The following ADAMTSL1 variants were observed in gnomAD, a reference collection of about 807,000 sequenced individuals.
ADAMTSL1 encodes the protein ADAMTS like 1, also known as ADAMTS-like protein 1.
Under a neutral mutation model 201.8 loss-of-function variants are expected in ADAMTSL1, and 126 were observed. The ratio of observed to expected loss-of-function variants is 0.62; its 90% CI spans 0.54 to 0.72. The LOEUF is 0.72. ADAMTSL1 is among the 30% of genes least tolerant of loss of function. The pLI, the probability that ADAMTSL1 is intolerant of heterozygous loss-of-function variation, is 0.00. For missense variants in ADAMTSL1, 2,679 were observed against 2,277.8 expected (o/e 1.18, Z -3.59); for synonymous variants, 1,121 against 903.4 (o/e 1.24, Z -4.32).
At chr9:18,187,505 A>C (rs1198049044) in intron 2 of ADAMTSL1, among the ~76,000 whole-genome samples, 1 of 152,152 alleles carries the variant, frequency 6.6e-6, no homozygotes, top group Non-Finnish European at 1.5e-5. Flanking sequence ...TAATGTGTAT[A>C]ATGTGGTCCC....
intron 23 of ADAMTSL1, among the ~76,000 whole-genome samples, chr9:18,867,454 T>C (rs1178384382): frequency 6.6e-6 from 1 of 152,216 alleles, no homozygotes; most frequent in Non-Finnish European, 1.5e-5. Context: ...AATGTGTTTT[T>C]CTTTTTATTA....
chr9:18,681,695 T>TGAGGGG, intron 11 of ADAMTSL1, 117 bp from the exon 12 acceptor site: 1 of 287,152 alleles, frequency 3.5e-6, no homozygotes, highest in Non-Finnish European at 5.4e-6. Flanking sequence ...GGAGTCCTCG[T>TGAGGGG]GTGGGGGGGG....
At chr9:18,112,418 G>C (rs1825063472) in intron 1 of ADAMTSL1, among the ~76,000 whole-genome samples, 1 of 152,008 alleles carries the variant, frequency 6.6e-6, no homozygotes, top group South Asian at 2.1e-4. Flanking sequence ...GATTCTCAGA[G>C]ATTTCGAGGG....
chr9:18,488,530 AC>A (rs1822109084), intron 1 of ADAMTSL1, among the ~76,000 whole-genome samples: 1 of 152,178 alleles, frequency 6.6e-6, no homozygotes. Context: ...CTGGATTTCA[AC>A]CCTGGTTCCA....
At chr9:18,584,801 C>T (rs1405345828) in intron 4 of ADAMTSL1, among the ~76,000 whole-genome samples, 2 of 151,806 alleles carry the variant, frequency 1.3e-5, no homozygotes, top group East Asian at 3.9e-4. Flanking sequence ...GACTAGGGGC[C>T]TGAAAGAAAA....
intron 1 of ADAMTSL1, among the ~76,000 whole-genome samples, chr9:17,988,893 CT>C (rs1269204729): frequency 1.3e-5 from 2 of 151,754 alleles, no homozygotes. Context: ...TTATTGCCCC[CT>C]AAGGAGCTTA....
intron 1 of ADAMTSL1, among the ~76,000 whole-genome samples, chr9:18,094,606 C>T (rs1587031826): frequency 6.6e-6 from 1 of 151,814 alleles, no homozygotes; most frequent in East Asian, 1.9e-4. Context: ...TAAGTATAAT[C>T]AGTGGTTTTG....
chr9:18,208,017 CTG>C (rs1262666241), intron 2 of ADAMTSL1, among the ~76,000 whole-genome samples: 4 of 152,130 alleles, frequency 2.6e-5, no homozygotes, highest in Non-Finnish European at 5.9e-5. Flanking sequence ...TTACCACTTG[CTG>C]TGTGTCTTTG....
At chr9:18,639,700 A>G (rs1314742312) in intron 7 of ADAMTSL1, among the ~76,000 whole-genome samples, 9 of 152,150 alleles carry the variant, frequency 5.9e-5, no homozygotes, top group Non-Finnish European at 1.3e-4. Context: ...GTTGGTGGCT[A>G]TAGATTGTTT....
chr9:18,350,485 A>G (rs938221647), intron 2 of ADAMTSL1, among the ~76,000 whole-genome samples: 5 of 151,648 alleles, frequency 3.3e-5, no homozygotes, highest in Admixed American at 6.6e-5. Flanking sequence ...TTGGCTGCAT[A>G]TTGAGAAGGG....
chr9:18,762,526 GT>G lies in ADAMTSL1; in HGVS notation c.2218-8068del, dbSNP rs551346535. On this transcript the variant is annotated intron_variant, in intron 16 of 28. Coordinates refer to ENST00000380548, the MANE Select transcript of ADAMTSL1 (RefSeq NM_001040272.6). ...AACAACCCAATTACACTCTTTTTAA[GT>G]TTTTTTTAATCTACAGTTATTATTG... Among the ~76,000 whole-genome samples the G allele has an allele frequency of 6.1e-4, 92 of 151,900 alleles. 1 individual carries two copies. The highest frequency in any genetic ancestry group is 2.0e-3 in the African/African-American group (83 of 41,436).
chr9:18,467,450 C>G (rs916478668), intron 2 of ADAMTSL1, among the ~76,000 whole-genome samples: 1 of 151,998 alleles, frequency 6.6e-6, no homozygotes, highest in Non-Finnish European at 1.5e-5. Flanking sequence ...ACTAGTAAAA[C>G]TAATTATATT....
chr9:18,440,226 G>A (rs1819937119), intron 2 of ADAMTSL1, among the ~76,000 whole-genome samples: 1 of 152,060 alleles, frequency 6.6e-6, no homozygotes, highest in African/African-American at 2.4e-5. Context: ...TGCATCCTGG[G>A]AAACACACAC....
chr9:18,231,504 C>T (rs1325749089), intron 2 of ADAMTSL1, among the ~76,000 whole-genome samples: 1 of 152,168 alleles, frequency 6.6e-6, no homozygotes, highest in Non-Finnish European at 1.5e-5. Context: ...GTAGATGCTG[C>T]TAAGTTTCCT....
At chr9:18,764,010 T>C (rs1339033765) in intron 16 of ADAMTSL1, among the ~76,000 whole-genome samples, 5 of 152,198 alleles carry the variant, frequency 3.3e-5, no homozygotes, top group Non-Finnish European at 5.9e-5. Context: ...AATTTTAAGA[T>C]TGTTTTTCTA....
At chr9:17,962,296 A>G (rs758671247) in intron 1 of ADAMTSL1, among the ~76,000 whole-genome samples, 1 of 152,198 alleles carries the variant, frequency 6.6e-6, no homozygotes, top group Non-Finnish European at 1.5e-5. Context: ...ACCACTGACT[A>G]TGAATTGACT....
At chr9:18,070,753 G>T (rs960886892) in intron 1 of ADAMTSL1, among the ~76,000 whole-genome samples, 3 of 152,162 alleles carry the variant, frequency 2.0e-5, no homozygotes, top group African/African-American at 7.2e-5. Flanking sequence ...AAAGAGCGGG[G>T]CTAGATAGAC....
intron 17 of ADAMTSL1, among the ~76,000 whole-genome samples, chr9:18,771,148 A>G (rs1820667955): frequency 6.6e-6 from 1 of 152,108 alleles, no homozygotes; most frequent in African/African-American, 2.4e-5. Context: ...TTACTCCCAG[A>G]TGTTTCTGTC....
At chr9:18,589,709 C>T (rs1823785035) in intron 4 of ADAMTSL1, among the ~76,000 whole-genome samples, 1 of 152,118 alleles carries the variant, frequency 6.6e-6, no homozygotes, top group South Asian at 2.1e-4. Flanking sequence ...GTGTGCTTGT[C>T]ATTTATGACC....
Sources: allele counts gnomAD v4.1 joint callset (sites outside exome capture counted in the v4.1 genomes callset), GRCh38; gene constraint gnomAD v4.1.1; transcripts MANE v1.5; gene names NCBI Gene and HGNC (gene_info 2026-07-23, HGNC 2026-07-21).